PRH1: variants seen among roughly 807,000 people sequenced by gnomAD.
PRH1 encodes the protein proline rich protein HaeIII subfamily 1.
A neutral mutation model predicts 7.9 loss-of-function variants in PRH1; 7 were observed. The ratio of observed to expected loss-of-function variants is 0.89; its 90% CI spans 0.50 to 1.67. The LOEUF is 1.67. Among genes scored for constraint, PRH1 ranks in the 40% most tolerant of loss-of-function variants. PRH1 has a pLI of 0.00. For synonymous variants in PRH1, 45 were observed against 80.8 expected (o/e 0.56, Z 2.38); for missense variants, 109 against 223.6 (o/e 0.49, Z 3.27).
Position 11,168,213 on chromosome 12 carries a change from GAAGA to G in PRH1, n.39+3205_39+3208del, listed in dbSNP as rs869102236. Among the ~76,000 whole-genome samples, 33 of 19,654 alleles carry G rather than the reference GAAGA, an allele frequency of 1.7e-3. 1 individual carries two copies. The highest frequency in any genetic ancestry group is 0.024 in the Middle Eastern group (1 of 42). 12.9% of individuals were successfully genotyped at this position (19,654 alleles called of 152,430 possible). ...CATGGCAAAAAACGAAAGAAAGAAA[GAAGA>G]AAGAAAGAAAGAAAGAAAGAAAGAA... On this transcript the variant is annotated intron_variant and non_coding_transcript_variant, in intron 1 of 1. Transcript: ENST00000541175.
intron 1 of PRH1, among the ~76,000 whole-genome samples, chr12:11,146,057 T>C (rs114105726): frequency 0.026 from 3,979 of 152,240 alleles, 167 homozygotes; most frequent in African/African-American, 0.089. Flanking sequence ...GTATGTATTT[T>C]TATGCTAAAT....
At chr12:11,115,457 T>G (rs2136312504) in intron 1 of PRH1, among the ~76,000 whole-genome samples, 1 of 152,178 alleles carries the variant, frequency 6.6e-6, no homozygotes, top group East Asian at 1.9e-4. Flanking sequence ...AGATGGAGAC[T>G]TCAACACTCC....
rs1434184382 is a variant in PRH1, at chr12:11,089,224, C to T, written n.124-42036G>A. Among the ~76,000 whole-genome samples, 5 of 115,912 alleles carry T rather than the reference C, an allele frequency of 4.3e-5. 1 individual carries two copies. Among genetic ancestry groups the T allele is most frequent in the African/African-American group, 1.4e-4 (5 of 34,534 alleles). The allele number at this position is 115,912 out of a possible 152,430, so 76.0% of individuals were successfully genotyped here. A position where few individuals can be genotyped will look rare whatever the true frequency, so the allele number is the denominator to read the frequency against. On this transcript the variant is annotated intron_variant and non_coding_transcript_variant, in intron 1 of 4. Coordinates refer to the PRH1 transcript ENST00000541977. ...CTTGAATGCATCACCACACTGTGGG[C>T]ATAAGGTATGACTTTCATGACCACC...
upstream of PRH1, chr12:10,884,326 G>A: frequency 1.4e-6 from 2 of 1,402,680 alleles, no homozygotes; most frequent in Admixed American, 1.8e-5. Flanking sequence ...CTACCAGGTG[G>A]GCCTCCTCGC....
chr12:11,163,321 T>C (rs141339179), intron 1 of PRH1, among the ~76,000 whole-genome samples: 2,326 of 152,094 alleles, frequency 0.015, 19 homozygotes, highest in South Asian at 0.031. Flanking sequence ...ATTTATTAAA[T>C]AATCACTAAA....
chr12:11,104,102 C>A (rs1945336459), intron 1 of PRH1, among the ~76,000 whole-genome samples: 1 of 145,496 alleles, frequency 6.9e-6, no homozygotes, highest in Admixed American at 7.0e-5. Context: ...GTTCCAGATT[C>A]ACTTTATTTA....
chr12:11,089,789 A>T lies in PRH1; in HGVS notation n.124-42601T>A, dbSNP rs1305641553. 2.6e-5 allele frequency among the ~76,000 whole-genome samples: 2 copies of T among 77,802 alleles called. 1 individual carries two copies. The highest frequency in any genetic ancestry group is 7.2e-5 in the African/African-American group (2 of 27,914). The allele number at this position is 77,802 out of a possible 152,430, so 51.0% of individuals were successfully genotyped here. ...ACCAAAGTTGTTTATATGATTTTTCAAACTATTGTAATAGGTGCCATCTAA... is the reference window on the plus strand; with the variant it reads ...ACCAAAGTTGTTTATATGATTTTTCTAACTATTGTAATAGGTGCCATCTAA... On this transcript the variant is annotated intron_variant and non_coding_transcript_variant, in intron 1 of 4. Transcript: ENST00000541977.
intron 1 of PRH1, among the ~76,000 whole-genome samples, chr12:11,000,982 G>A (rs1370712669): frequency 6.7e-6 from 1 of 150,206 alleles, no homozygotes; most frequent in Non-Finnish European, 1.5e-5. Context: ...AAAAAGTTGG[G>A]TTCTTTGTTC....
At chr12:11,125,570 T>G (rs965842484) in intron 1 of PRH1, among the ~76,000 whole-genome samples, 1 of 152,276 alleles carries the variant, frequency 6.6e-6, no homozygotes, top group African/African-American at 2.4e-5. Context: ...TTCAAAAAAT[T>G]TGTAGTATCA....
chr12:10,965,220 C>T lies in PRH1; in HGVS notation c.-59+8435G>A, dbSNP rs1729818480. ...ACTGCCAGAGCAGTGAGAATTTGGT[C>T]AGCAAAGGAGATCTTTTGTCTCTTG... On this transcript the variant is annotated intron_variant, in intron 2 of 3. Coordinates refer to the PRH1 transcript ENST00000539853. 8.1e-6 allele frequency: 12 copies of T among 1,485,212 alleles called. No homozygotes were observed. The South Asian group carries it at 1.3e-4, about 17-fold the overall frequency. 92.0% of individuals were successfully genotyped at this position (1,485,212 alleles called of 1,614,324 possible).
At chr12:10,906,293 C>G in intron 2 of PRH1, among the ~76,000 whole-genome samples, 1 of 152,042 alleles carries the variant, frequency 6.6e-6, no homozygotes, top group East Asian at 1.9e-4. Flanking sequence ...TCCAACTGTT[C>G]CATAAAATAT....
At chr12:11,062,706 G>A (rs1353469738) in intron 1 of PRH1, among the ~76,000 whole-genome samples, 3 of 152,008 alleles carry the variant, frequency 2.0e-5, no homozygotes, top group Non-Finnish European at 2.9e-5. Flanking sequence ...TCAGTTGTTA[G>A]GGAAGTTTTA....
At chr12:10,888,250 G>A (rs1019020777), upstream of PRH1, among the ~76,000 whole-genome samples, 1 of 152,036 alleles carries the variant, frequency 6.6e-6, no homozygotes, top group African/African-American at 2.4e-5. Flanking sequence ...CTAAATTCAG[G>A]TCAATTGATT....
intron 1 of PRH1, among the ~76,000 whole-genome samples, chr12:11,027,290 T>A (rs1279994866): frequency 2.3e-5 from 1 of 43,414 alleles, no homozygotes; most frequent in Non-Finnish European, 6.8e-5. Context: ...ATAATAATAA[T>A]ATATTACTTG....
At chr12:11,043,401 A>G (rs1012212407) in intron 1 of PRH1, among the ~76,000 whole-genome samples, 12 of 152,174 alleles carry the variant, frequency 7.9e-5, no homozygotes, top group Admixed American at 7.9e-4. Flanking sequence ...AAATGCTCAC[A>G]ATCACTGCTG....
In PRH1 at chr12:11,088,833, G is replaced by T. The variant is rs796894431; in HGVS notation, n.124-41645C>A. ...AGAAACATACATAGTGGTCATTATA[G>T]GACTCTGTGCATGTCTCTGACAAGC... On this transcript the variant is annotated intron_variant and non_coding_transcript_variant, in intron 1 of 4. Transcript: ENST00000541977. 4.8e-4 allele frequency among the ~76,000 whole-genome samples: 55 copies of T among 115,776 alleles called. 14 individuals are homozygous for T. Among genetic ancestry groups the T allele is most frequent in the African/African-American group, 1.6e-3 (55 of 34,568 alleles). 76.0% of individuals were successfully genotyped at this position (115,776 alleles called of 152,430 possible).
intron 2 of PRH1, chr12:10,909,582 T>C (rs1157491848): frequency 2.7e-6 from 1 of 376,830 alleles, no homozygotes; most frequent in African/African-American, 2.1e-5. Context: ...TAGATGATTA[T>C]GCAGCAAAGT....
rs1944772338 is a variant in PRH1, at chr12:11,088,196, C to T, written n.124-41008G>A. ...GCCCTACAGAAAATACAAAAATTAG[C>T]CAGGCGTGATGTTGTGCCCCTGCAG... On this transcript the variant is annotated intron_variant and non_coding_transcript_variant, in intron 1 of 4. Coordinates refer to the PRH1 transcript ENST00000541977. Among the ~76,000 whole-genome samples, 9 of 129,456 alleles carry T rather than the reference C, an allele frequency of 7.0e-5. No homozygotes were observed. The South Asian group carries it at 2.0e-3, about 29-fold the overall frequency. 84.9% of individuals were successfully genotyped at this position (129,456 alleles called of 152,430 possible).
chr12:10,886,191 T>A (rs375571256), upstream of PRH1, among the ~76,000 whole-genome samples: 2 of 152,158 alleles, frequency 1.3e-5, no homozygotes, highest in South Asian at 2.1e-4. Flanking sequence ...TTTCACCAGG[T>A]ACTGTTTCCC....
Sources: allele counts gnomAD v4.1 joint callset (sites outside exome capture counted in the v4.1 genomes callset), GRCh38; gene constraint gnomAD v4.1.1; transcripts MANE v1.5; gene names NCBI Gene and HGNC (gene_info 2026-07-23, HGNC 2026-07-21).